The following NALF1 variants were observed in gnomAD, a reference collection of about 807,000 sequenced individuals.
The protein encoded by NALF1 is family with sequence similarity 155 member A.
NALF1 carries 3 observed loss-of-function variants against 48.4 expected under a neutral mutation model. The observed-to-expected ratio is 0.06, with a 90% CI of 0.03 to 0.16. The LOEUF (loss-of-function observed/expected upper bound fraction) is 0.16, where lower values mean the gene tolerates loss of function less well. Among genes scored for constraint, NALF1 ranks in the 10% least tolerant of loss-of-function variants. The probability of loss-of-function intolerance (pLI) is 1.00; values close to 1 mark genes in which losing one functional copy is unlikely to be tolerated. For missense variants in NALF1, 526 were observed against 571.5 expected (o/e 0.92, Z 0.81); for synonymous variants, 262 against 245.7 (o/e 1.07, Z -0.62).
intron 1 of NALF1, among the ~76,000 whole-genome samples, chr13:107,368,434 G>C (rs61967187): frequency 0.046 from 6,965 of 151,862 alleles, 193 homozygotes; most frequent in South Asian, 0.12. Flanking sequence ...TGGGATTACA[G>C]ATGTGCACCA....
At chr13:107,606,942 T>C (rs1879090112) in intron 1 of NALF1, among the ~76,000 whole-genome samples, 1 of 152,208 alleles carries the variant, frequency 6.6e-6, no homozygotes, top group African/African-American at 2.4e-5. Flanking sequence ...ATCAAAGGTA[T>C]CATTTGCACT....
At chr13:107,694,597 C>T (rs1047134565) in intron 1 of NALF1, among the ~76,000 whole-genome samples, 1 of 152,152 alleles carries the variant, frequency 6.6e-6, no homozygotes, top group Non-Finnish European at 1.5e-5. Flanking sequence ...AACTTATTGA[C>T]ATTTGAGATA....
At chr13:107,733,201 C>T (rs1876364361) in intron 1 of NALF1, among the ~76,000 whole-genome samples, 1 of 152,124 alleles carries the variant, frequency 6.6e-6, no homozygotes, top group Non-Finnish European at 1.5e-5. Context: ...GCATTTATGC[C>T]TTATGCCGAC....
chr13:107,308,203 T>G (rs1881976437), intron 1 of NALF1, among the ~76,000 whole-genome samples: 1 of 139,276 alleles, frequency 7.2e-6, no homozygotes, highest in African/African-American at 2.6e-5. Context: ...TCTATGCTTT[T>G]TTTTTTTTTT....
Position 107,169,410 on chromosome 13 carries a change from C to G in NALF1, c.*1087G>C, listed in dbSNP as rs985514578. 6.4e-5 allele frequency: 5 copies of G among 77,594 alleles called. No individual in the cohort carries two copies. Among genetic ancestry groups the G allele is most frequent in the African/African-American group, 3.3e-4 (5 of 15,018 alleles). The allele number at this position is 77,594 out of a possible 1,614,324, so 4.8% of individuals were successfully genotyped here. On this transcript the variant is annotated 3_prime_UTR_variant, in exon 3 of 3. Transcript: ENST00000375915. ...GAGGAAAAGAAGTCCAGATATGTGTCCGCAATCCCTTTGTTTGTTCCCTGT... is the reference window on the plus strand; with the variant it reads ...GAGGAAAAGAAGTCCAGATATGTGTGCGCAATCCCTTTGTTTGTTCCCTGT...
chr13:107,601,029 C>T (rs1878910710), intron 1 of NALF1, among the ~76,000 whole-genome samples: 1 of 152,028 alleles, frequency 6.6e-6, no homozygotes, highest in Non-Finnish European at 1.5e-5. Flanking sequence ...GTAGGTCTTC[C>T]TAATCATGTG....
intron 1 of NALF1, among the ~76,000 whole-genome samples, chr13:107,320,498 G>C (rs980597278): frequency 6.6e-6 from 1 of 152,020 alleles, no homozygotes; most frequent in African/African-American, 2.4e-5. Flanking sequence ...CAGAGAATGA[G>C]GTCAAGGGAC....
At chr13:107,623,683 T>C (rs1594167129) in intron 1 of NALF1, among the ~76,000 whole-genome samples, 3 of 152,146 alleles carry the variant, frequency 2.0e-5, no homozygotes, top group African/African-American at 7.2e-5. Flanking sequence ...GGAAGTGAGG[T>C]GGGATTGGCC....
intron 1 of NALF1, among the ~76,000 whole-genome samples, chr13:107,532,317 CTATTAAGAAATTTCAA>C (rs1484925688): frequency 9.9e-5 from 15 of 152,034 alleles, no homozygotes; most frequent in Admixed American, 6.6e-5. Context: ...ATTAAAGAAT[CTATTAAGAAATTTCAA>C]TGATTTTTGT....
chr13:107,783,063 TG>T (rs1388359116), intron 1 of NALF1, among the ~76,000 whole-genome samples: 6 of 114,088 alleles, frequency 5.3e-5, no homozygotes, highest in African/African-American at 1.9e-4. Flanking sequence ...GGGAGGGAGG[TG>T]GGGGGGTCAG....
At chr13:107,371,204 T>C in intron 1 of NALF1, among the ~76,000 whole-genome samples, 1 of 152,140 alleles carries the variant, frequency 6.6e-6, no homozygotes. Context: ...CCCAGCACTT[T>C]GGAAAGCCAA....
intron 1 of NALF1, among the ~76,000 whole-genome samples, chr13:107,474,880 A>C (rs1170220627): frequency 1.3e-5 from 2 of 152,138 alleles, no homozygotes; most frequent in African/African-American, 4.8e-5. Context: ...TATTAGGCAA[A>C]TATTGGTCAT....
chr13:107,634,121 T>C (rs1459128492), intron 1 of NALF1, among the ~76,000 whole-genome samples: 1 of 152,004 alleles, frequency 6.6e-6, no homozygotes, highest in Non-Finnish European at 1.5e-5. Flanking sequence ...TGATACCAGG[T>C]AGAGAACATC....
intron 1 of NALF1, among the ~76,000 whole-genome samples, chr13:107,494,821 C>G (rs1875271982): frequency 6.6e-6 from 1 of 152,072 alleles, no homozygotes; most frequent in Non-Finnish European, 1.5e-5. Flanking sequence ...ACACATACAA[C>G]CAATTGGATT....
At position 107,184,368 on chromosome 13, in the gene NALF1, A is replaced by G. The variant is rs113172207; in HGVS notation, c.1088-13582T>C. Among the ~76,000 whole-genome samples the G allele has an allele frequency of 2.0e-3, 300 of 152,184 alleles. 1 individual carries two copies. The highest frequency in any genetic ancestry group is 6.8e-3 in the African/African-American group (282 of 41,518). ...ATGCGCCGATGGAAAGGTAGTCCCTATTGCTTTATTTCCTCCTTCAGTTTT... is the reference window on the plus strand; with the variant it reads ...ATGCGCCGATGGAAAGGTAGTCCCTGTTGCTTTATTTCCTCCTTCAGTTTT... On this transcript the variant is annotated intron_variant, in intron 2 of 2. Coordinates refer to ENST00000375915, the MANE Select transcript of NALF1 (RefSeq NM_001080396.3).
At chr13:107,673,865 A>T (rs946268263) in intron 1 of NALF1, among the ~76,000 whole-genome samples, 1 of 152,188 alleles carries the variant, frequency 6.6e-6, no homozygotes, top group Non-Finnish European at 1.5e-5. Flanking sequence ...TGAGGGTCAC[A>T]GAAGACGTCA....
chr13:107,728,695 A>AAAATAAAT lies in NALF1; in HGVS notation c.915+136979_915+136986dup, dbSNP rs34497886. 9.9e-3 allele frequency among the ~76,000 whole-genome samples: 1,471 copies of AAAATAAAT among 148,374 alleles called. 16 individuals are homozygous for AAAATAAAT. The highest frequency in any genetic ancestry group is 0.021 in the Middle Eastern group (6 of 288). ...GCGCATGTATCCCAGAACTTAAAGT[A>AAAATAAAT]AAATAAATAAATAAATAAATAAATA... On this transcript the variant is annotated intron_variant, in intron 1 of 2. Transcript: ENST00000375915.
chr13:107,808,983 T>C (rs1354722896), intron 1 of NALF1, among the ~76,000 whole-genome samples: 1 of 152,108 alleles, frequency 6.6e-6, no homozygotes, highest in Non-Finnish European at 1.5e-5. Flanking sequence ...ACAAACCTTG[T>C]TTTCTGAAAT....
rs559938519 is a variant in NALF1 at position 107,401,859 on chromosome 13, A to G, written c.916-191104T>C. Among the ~76,000 whole-genome samples, 6 of 152,294 alleles carry G rather than the reference A, an allele frequency of 3.9e-5. No individual in the cohort carries two copies. The South Asian group carries it at 1.2e-3, about 32-fold the overall frequency. On this transcript the variant is annotated intron_variant, in intron 1 of 2. Coordinates refer to ENST00000375915, the MANE Select transcript of NALF1 (RefSeq NM_001080396.3). ...TGCAGTTAAGAAATACTTTTTATAC[A>G]AATAGTTTGATTTTTTAATTGTTTG...
Sources: allele counts gnomAD v4.1 joint callset (sites outside exome capture counted in the v4.1 genomes callset), GRCh38; gene constraint gnomAD v4.1.1; transcripts MANE v1.5; gene names NCBI Gene and HGNC (gene_info 2026-07-23, HGNC 2026-07-21).